Variants in SPAG16 observed in about 807,000 individuals in gnomAD.
SPAG16 encodes sperm-associated antigen 16 protein.
SPAG16 carries 86 observed loss-of-function variants against 80.4 expected under a neutral mutation model. The observed-to-expected ratio is 1.07, with a 90% CI of 0.90 to 1.28. The LOEUF is 1.28. SPAG16 is among the 50% of genes most tolerant of loss of function. SPAG16 has a pLI of 0.00. For missense variants in SPAG16, 870 were observed against 765.3 expected (o/e 1.14, Z -1.61); for synonymous variants, 294 against 265.9 (o/e 1.11, Z -1.03).
intron 14 of SPAG16, among the ~76,000 whole-genome samples, chr2:214,140,945 GGTGGGGGGT>G (rs2055324283): frequency 5.0e-5 from 2 of 39,906 alleles, no homozygotes; most frequent in African/African-American, 9.6e-5. Flanking sequence ...GGGGGGGGGG[GGTGGGGGGT>G]GGGGGGATGT....
At chr2:213,573,114 C>T (rs1279813472) in intron 10 of SPAG16, among the ~76,000 whole-genome samples, 1 of 152,152 alleles carries the variant, frequency 6.6e-6, no homozygotes, top group Non-Finnish European at 1.5e-5. Flanking sequence ...GGTGCGCGCA[C>T]CCACTGGCCT....
intron 15 of SPAG16, among the ~76,000 whole-genome samples, chr2:214,349,403 T>C (rs1698262941): frequency 6.6e-6 from 1 of 152,210 alleles, no homozygotes; most frequent in Non-Finnish European, 1.5e-5. Context: ...GTTTTGAAGA[T>C]TAATCCATGT....
chr2:213,686,961 G>A (rs2064712456), intron 10 of SPAG16, among the ~76,000 whole-genome samples: 2 of 151,988 alleles, frequency 1.3e-5, no homozygotes, highest in South Asian at 2.1e-4. Flanking sequence ...GGGATTACAG[G>A]TGTGAGCCAC....
chr2:213,619,851 C>T (rs2061711756), intron 10 of SPAG16, among the ~76,000 whole-genome samples: 1 of 152,136 alleles, frequency 6.6e-6, no homozygotes, highest in Admixed American at 6.5e-5. Flanking sequence ...ATTTAACAGG[C>T]ATCTGCACCC....
chr2:214,072,352 A>G (rs2050827365), intron 13 of SPAG16, among the ~76,000 whole-genome samples: 1 of 152,122 alleles, frequency 6.6e-6, no homozygotes, highest in Non-Finnish European at 1.5e-5. Flanking sequence ...TGAATGTTGT[A>G]TTGTTTCAAA....
intron 12 of SPAG16, among the ~76,000 whole-genome samples, chr2:213,959,609 A>G (rs1384843121): frequency 2.0e-5 from 3 of 152,190 alleles, no homozygotes; most frequent in Non-Finnish European, 2.9e-5. Flanking sequence ...CTAAGGAATA[A>G]TACCATGGAC....
At chr2:213,323,013 A>C (rs1221103844) in intron 5 of SPAG16, among the ~76,000 whole-genome samples, 3 of 152,194 alleles carry the variant, frequency 2.0e-5, no homozygotes, top group Non-Finnish European at 4.4e-5. Context: ...ATGTGAAGCT[A>C]ATAGTTTGAG....
At position 213,930,244 on chromosome 2, in the gene SPAG16, G is replaced by A. The variant is rs544163181; in HGVS notation, c.1400+99G>A. The A allele has an allele frequency of 7.2e-6, 6 of 833,860 alleles. No homozygotes were observed. The East Asian group carries it at 1.7e-4, about 24-fold the overall frequency. The allele number at this position is 833,860 out of a possible 1,614,324, so 51.7% of individuals were successfully genotyped here. A position where few individuals can be genotyped will look rare whatever the true frequency, so the allele number is the denominator to read the frequency against. ...TTTTTTTTCCTTGATGCTACCCCAG[G>A]GAAACATTAAAAGAAACTGTTAGTT... On this transcript the variant is annotated intron_variant, in intron 12 of 15. Coordinates refer to ENST00000331683, the MANE Select transcript of SPAG16 (RefSeq NM_024532.5).
At chr2:213,367,739 C>A (rs1200316024) in intron 8 of SPAG16, among the ~76,000 whole-genome samples, 1 of 149,548 alleles carries the variant, frequency 6.7e-6, no homozygotes, top group African/African-American at 2.5e-5. Context: ...CTGTAGGTTG[C>A]CTGTTCACTC....
chr2:214,291,300 C>CTTTT (rs56771172), intron 15 of SPAG16, among the ~76,000 whole-genome samples: 6,908 of 80,414 alleles, frequency 0.086, 1,205 homozygotes, highest in African/African-American at 0.12. Flanking sequence ...GATCATGTTT[C>CTTTT]TTTTTTTTTT....
At chr2:213,664,945 G>A (rs1336546355) in intron 10 of SPAG16, among the ~76,000 whole-genome samples, 5 of 151,786 alleles carry the variant, frequency 3.3e-5, no homozygotes, top group Admixed American at 1.3e-4. Context: ...CTGAGATTTA[G>A]TACACTTTAT....
intron 10 of SPAG16, among the ~76,000 whole-genome samples, chr2:213,534,575 A>C: frequency 6.6e-6 from 1 of 152,158 alleles, no homozygotes; most frequent in East Asian, 1.9e-4. Flanking sequence ...CTATGAATTT[A>C]CACAAAAACA....
intron 10 of SPAG16, among the ~76,000 whole-genome samples, chr2:213,806,441 G>A (rs549071486): frequency 9.2e-5 from 14 of 152,182 alleles, no homozygotes; most frequent in African/African-American, 3.1e-4. Flanking sequence ...AACATGTTTT[G>A]TAATGGTAAA....
chr2:213,863,509 A>G (rs2075566984), intron 11 of SPAG16, among the ~76,000 whole-genome samples: 1 of 152,096 alleles, frequency 6.6e-6, no homozygotes, highest in African/African-American at 2.4e-5. Flanking sequence ...AGGGTAAACT[A>G]AGTTTGTTTT....
At chr2:213,828,526 T>C (rs866456651) in intron 10 of SPAG16, among the ~76,000 whole-genome samples, 2 of 152,208 alleles carry the variant, frequency 1.3e-5, no homozygotes, top group Non-Finnish European at 2.9e-5. Context: ...TCCATGGTGC[T>C]GTATTTAGTT....
chr2:213,974,964 A>AAAAAAAAC (rs1479884791), intron 12 of SPAG16, among the ~76,000 whole-genome samples: 2 of 147,590 alleles, frequency 1.4e-5, no homozygotes, highest in African/African-American at 5.3e-5. Context: ...AAAAAAAAAA[A>AAAAAAAAC]ACACAAAATG....
At chr2:213,892,567 GA>G (rs1407827494) in intron 11 of SPAG16, among the ~76,000 whole-genome samples, 1 of 152,024 alleles carries the variant, frequency 6.6e-6, no homozygotes, top group African/African-American at 2.4e-5. Context: ...AGATAACACA[GA>G]AAAGAAATTC....
At chr2:213,807,001 T>C (rs74383903) in intron 10 of SPAG16, among the ~76,000 whole-genome samples, 1,765 of 152,254 alleles carry the variant, frequency 0.012, 36 homozygotes, top group African/African-American at 0.041. Context: ...TTGTGTTGTT[T>C]TGTTCAGTCC....
intron 11 of SPAG16, among the ~76,000 whole-genome samples, chr2:213,898,895 A>T (rs756155297): frequency 5.9e-5 from 9 of 152,140 alleles, no homozygotes. Flanking sequence ...GGAAAATAGT[A>T]TCTCTCATGG....
Sources: allele counts gnomAD v4.1 joint callset (sites outside exome capture counted in the v4.1 genomes callset), GRCh38; gene constraint gnomAD v4.1.1; transcripts MANE v1.5; gene names NCBI Gene and HGNC (gene_info 2026-07-23, HGNC 2026-07-21).